HPSE2: variants seen among roughly 807,000 people sequenced by gnomAD.
HPSE2 encodes heparanase 2 (inactive).
HPSE2 carries 38 observed loss-of-function variants against 60.5 expected under a neutral mutation model. The ratio of observed to expected loss-of-function variants is 0.63; its 90% CI spans 0.48 to 0.82. The LOEUF (loss-of-function observed/expected upper bound fraction) is 0.82, where lower values mean the gene tolerates loss of function less well. HPSE2 is among the 40% of genes least tolerant of loss of function. HPSE2 has a pLI of 0.00. For synonymous variants in HPSE2, 295 were observed against 293.2 expected (o/e 1.01, Z -0.06); for missense variants, 713 against 740.4 (o/e 0.96, Z 0.43).
At chr10:99,280,193 G>A in the HPSE2 span, among the ~76,000 whole-genome samples, 1 of 152,156 alleles carries the variant, frequency 6.6e-6, no homozygotes, top group Admixed American at 6.5e-5. Flanking sequence ...CACAAGGCAG[G>A]TTACAGGCCT....
intron 3 of HPSE2, among the ~76,000 whole-genome samples, chr10:98,922,219 C>T (rs554787479): frequency 6.6e-6 from 1 of 152,282 alleles, no homozygotes; most frequent in Admixed American, 6.5e-5. Flanking sequence ...ACTTGCAGCA[C>T]ACCTCAATTT....
At chr10:99,208,476 G>A (rs1189641215) in intron 2 of HPSE2, among the ~76,000 whole-genome samples, 3 of 152,090 alleles carry the variant, frequency 2.0e-5, no homozygotes, top group Non-Finnish European at 2.9e-5. Context: ...CTTGAGCCCA[G>A]GAATTCAAGA....
intron 3 of HPSE2, among the ~76,000 whole-genome samples, chr10:98,939,686 T>C (rs913103477): frequency 7.0e-6 from 1 of 143,002 alleles, no homozygotes. Context: ...GACAGAAAGT[T>C]AACAAGGATA....
At chr10:98,588,120 T>C (rs1944986848) in intron 9 of HPSE2, among the ~76,000 whole-genome samples, 1 of 152,174 alleles carries the variant, frequency 6.6e-6, no homozygotes, top group South Asian at 2.1e-4. Flanking sequence ...TCAGGCAAAG[T>C]CTTGGAAAAC....
chr10:98,670,896 A>G (rs1381592907), intron 6 of HPSE2, among the ~76,000 whole-genome samples: 1 of 152,190 alleles, frequency 6.6e-6, no homozygotes, highest in Non-Finnish European at 1.5e-5. Flanking sequence ...GGGAGCTCGG[A>G]TTTTAAGGCA....
chr10:98,989,680 T>G (rs1281628136), intron 3 of HPSE2, among the ~76,000 whole-genome samples: 3 of 151,754 alleles, frequency 2.0e-5, no homozygotes, highest in Non-Finnish European at 4.4e-5. Flanking sequence ...CAAAAAGGCT[T>G]GTCTTTTAAT....
chr10:99,004,251 T>G (rs1956842613), intron 3 of HPSE2, among the ~76,000 whole-genome samples: 1 of 152,064 alleles, frequency 6.6e-6, no homozygotes, highest in African/African-American at 2.4e-5. Context: ...TTCAAGATAA[T>G]TATTAATATG....
intron 6 of HPSE2, among the ~76,000 whole-genome samples, chr10:98,663,702 T>C (rs140175464): frequency 3.3e-5 from 5 of 152,202 alleles, no homozygotes; most frequent in African/African-American, 9.6e-5. Context: ...AGGAGAACTT[T>C]CCTGAACCCC....
chr10:98,575,739 A>G (rs556210981), intron 9 of HPSE2, among the ~76,000 whole-genome samples: 1 of 152,200 alleles, frequency 6.6e-6, no homozygotes, highest in East Asian at 1.9e-4. Flanking sequence ...CAATGTTATT[A>G]TCATGCCATG....
In HPSE2 at chr10:98,748,230, G is replaced by A. The variant is rs376690697; in HGVS notation, c.611-4174C>T. Among the ~76,000 whole-genome samples, 5 of 152,106 alleles carry A rather than the reference G, an allele frequency of 3.3e-5. No homozygotes were observed. The South Asian group carries it at 1.0e-3, about 31-fold the overall frequency. On this transcript the variant is annotated intron_variant, in intron 3 of 11. Transcript: ENST00000370552. The stretch of plus-strand genomic sequence containing the variant: ...TGAGGCAGGAGAATCGCTTGAACCT[G>A]GGAGGTGGAGATTGCAGTGAGCCAA...
At chr10:98,648,751 TAGAA>T (rs973499716) in intron 6 of HPSE2, among the ~76,000 whole-genome samples, 8 of 151,894 alleles carry the variant, frequency 5.3e-5, no homozygotes, top group African/African-American at 1.7e-4. Context: ...AAAAAAAAAT[TAGAA>T]AGCATTTTTT....
chr10:99,182,281 G>A (rs1211741718), intron 2 of HPSE2, among the ~76,000 whole-genome samples: 4 of 152,098 alleles, frequency 2.6e-5, no homozygotes, highest in African/African-American at 7.2e-5. Context: ...AAGGTCAGAG[G>A]CCAACTAATC....
chr10:98,630,352 C>T lies in HPSE2; in HGVS notation c.1099-9644G>A, dbSNP rs551077547. 6.6e-5 allele frequency among the ~76,000 whole-genome samples: 10 copies of T among 152,210 alleles called. No homozygotes were observed. The South Asian group carries it at 1.9e-3, about 28-fold the overall frequency. ...AGCTGGGACTACAGGCGCCCGCCAC[C>T]ACGCCCAACTAATTTTTTGTATTTT... is the stretch of plus-strand genomic sequence containing the variant. On this transcript the variant is annotated intron_variant, in intron 7 of 11. Transcript: ENST00000370552.
chr10:98,898,062 A>C (rs1953547329), intron 3 of HPSE2, among the ~76,000 whole-genome samples: 1 of 152,198 alleles, frequency 6.6e-6, no homozygotes, highest in South Asian at 2.1e-4. Context: ...GTATCAAAGA[A>C]GACATACAGA....
Position 98,859,076 on chromosome 10 carries a change from G to A in HPSE2, c.611-115020C>T, listed in dbSNP as rs947002842. Among the ~76,000 whole-genome samples the A allele has an allele frequency of 7.2e-5, 11 of 152,218 alleles. No individual in the cohort carries two copies. In the South Asian group the frequency reaches 1.2e-3, roughly 17 times the overall value. ...CCTGAGTAGCTAGGACCATAGGTGC[G>A]TTTCACTGTGCCAAGTTAATACTTT... On this transcript the variant is annotated intron_variant, in intron 3 of 11. Transcript: ENST00000370552.
At chr10:98,825,137 A>G (rs1398274328) in intron 3 of HPSE2, among the ~76,000 whole-genome samples, 1 of 152,184 alleles carries the variant, frequency 6.6e-6, no homozygotes, top group Non-Finnish European at 1.5e-5. Flanking sequence ...AGAGGTACAC[A>G]CTTCTTCAGA....
At chr10:99,132,138 A>G (rs1845410925) in intron 3 of HPSE2, among the ~76,000 whole-genome samples, 1 of 49,106 alleles carries the variant, frequency 2.0e-5, no homozygotes, top group African/African-American at 4.1e-5. Flanking sequence ...GAAAGGAAAG[A>G]AAGAAAGGAA....
At chr10:98,689,947 C>T (rs1948032197) in intron 6 of HPSE2, among the ~76,000 whole-genome samples, 1 of 152,168 alleles carries the variant, frequency 6.6e-6, no homozygotes, top group African/African-American at 2.4e-5. Context: ...AAATTCCAAC[C>T]TCTGTCTCTC....
At chr10:98,635,582 G>T (rs1479199851) in intron 7 of HPSE2, among the ~76,000 whole-genome samples, 1 of 151,916 alleles carries the variant, frequency 6.6e-6, no homozygotes, top group Non-Finnish European at 1.5e-5. Flanking sequence ...GAAGTTTGAG[G>T]CCACCCTGGT....
Sources: allele counts gnomAD v4.1 joint callset (sites outside exome capture counted in the v4.1 genomes callset), GRCh38; gene constraint gnomAD v4.1.1; transcripts MANE v1.5; gene names NCBI Gene and HGNC (gene_info 2026-07-23, HGNC 2026-07-21).